The following MICAL2 variants were observed in gnomAD, a reference collection of about 807,000 sequenced individuals.
MICAL2 encodes the protein microtubule associated monooxygenase, calponin and LIM domain containing 2.
In MICAL2, 77 loss-of-function variants were observed where a neutral mutation model predicts 127.3. That is an observed-to-expected ratio of 0.60 (90% confidence interval 0.50 to 0.73). The LOEUF (loss-of-function observed/expected upper bound fraction) is 0.73, where lower values mean the gene tolerates loss of function less well. Ranked by LOEUF, MICAL2 falls within the 30% of genes least tolerant of loss-of-function variation. The pLI, the probability that MICAL2 is intolerant of heterozygous loss-of-function variation, is 0.00. For synonymous variants in MICAL2, 570 were observed against 551.1 expected (o/e 1.03, Z -0.48); for missense variants, 1,351 against 1,434.4 (o/e 0.94, Z 0.94).
chr11:12,244,062 G>T lies in MICAL2; in HGVS notation c.2734G>T (p.Ala912Ser). The T allele has an allele frequency of 6.2e-7, 1 of 1,614,132 alleles. No individual in the cohort carries two copies. Among genetic ancestry groups the T allele is most frequent in the Non-Finnish European group, 8.5e-7 (1 of 1,179,998 alleles). The change falls in exon 21 of 28, where the codon GCT becomes TCT. Residue 912 changes from alanine (A) to serine (S), a missense_variant. By Grantham distance (99) the Ala-to-Ser change is moderately conservative. This residue lies in a region of MICAL2 where 752 missense variants were observed against 719.4 expected (regional missense o/e 1.05). Coordinates refer to ENST00000683283, the MANE Select transcript of MICAL2 (RefSeq NM_001282663.2). ...CTCTCGCCTTCCGTCTCCTGATCCAGCTGCTTCTTCCTCTCCATCAACTGT... is the reference window on the plus strand; with the variant it reads ...CTCTCGCCTTCCGTCTCCTGATCCATCTGCTTCTTCCTCTCCATCAACTGT... ...PPSRLPSPDP[A>S]ASSSPSTVDS...
chr11:12,233,773 TTTCTTTC>T (rs920225274), intron 15 of MICAL2, among the ~76,000 whole-genome samples: 44 of 152,346 alleles, frequency 2.9e-4, no homozygotes, highest in African/African-American at 9.4e-4. Flanking sequence ...CAGTAAGTAT[TTTCTTTC>T]TTCTTGTACT....
intron 6 of MICAL2, among the ~76,000 whole-genome samples, chr11:12,210,326 G>A (rs1855285054): frequency 6.6e-6 from 1 of 152,128 alleles, no homozygotes; most frequent in Non-Finnish European, 1.5e-5. Flanking sequence ...GCTAAATTGA[G>A]ACCATGGGTT....
At chr11:12,313,279 G>A (rs1864195788) in intron 29 of MICAL2, among the ~76,000 whole-genome samples, 1 of 150,352 alleles carries the variant, frequency 6.7e-6, no homozygotes, top group Non-Finnish European at 1.5e-5. Context: ...AATATTTTTA[G>A]ATTTTATGTC....
intron 21 of MICAL2, among the ~76,000 whole-genome samples, chr11:12,246,066 C>T (rs1303657060): frequency 3.3e-5 from 5 of 152,224 alleles, no homozygotes; most frequent in African/African-American, 9.6e-5. Context: ...AAAAGTCTGG[C>T]GTGGTCACTG....
rs1589926640 is a variant in MICAL2, at chr11:12,358,152, T to C, written c.5690-143T>C. ...TCTCATCTCTCACTCTAAGGGCGGTTCCTTGGTGTTAAATTCATTTCCTTG... is the reference window on the plus strand; with the variant it reads ...TCTCATCTCTCACTCTAAGGGCGGTCCCTTGGTGTTAAATTCATTTCCTTG... On this transcript the variant is annotated intron_variant, in intron 34 of 34. Transcript: ENST00000646065. 4 of 752,692 alleles carry C rather than the reference T, an allele frequency of 5.3e-6. No homozygotes were observed. In the East Asian group the frequency reaches 1.1e-4, roughly 21 times the overall value. 46.6% of individuals were successfully genotyped at this position (752,692 alleles called of 1,614,324 possible).
intron 14 of MICAL2, 94 bp from the exon 15 acceptor site, chr11:12,226,931 G>A (rs1014220715): frequency 4.2e-6 from 4 of 941,290 alleles, no homozygotes; most frequent in East Asian, 5.2e-5. Context: ...GGGATTACAG[G>A]CGTGAGCCAC....
At chr11:12,245,689 T>C (rs1057473693) in intron 21 of MICAL2, among the ~76,000 whole-genome samples, 3 of 152,248 alleles carry the variant, frequency 2.0e-5, no homozygotes, top group Non-Finnish European at 4.4e-5. Context: ...CCTCCTGACC[T>C]GTCTGGGCCT....
intron 29 of MICAL2, among the ~76,000 whole-genome samples, chr11:12,318,972 A>G (rs1864261354): frequency 6.6e-6 from 1 of 152,214 alleles, no homozygotes; most frequent in African/African-American, 2.4e-5. Context: ...TCCCTATCTT[A>G]AACTGCCTTT....
chr11:12,128,173 T>C (rs1851104723), intron 1 of MICAL2, among the ~76,000 whole-genome samples: 1 of 152,194 alleles, frequency 6.6e-6, no homozygotes, highest in Admixed American at 6.5e-5. Context: ...GTTGTGGGTG[T>C]AGGTTAGTGG....
intron 1 of MICAL2, among the ~76,000 whole-genome samples, chr11:12,135,202 A>C (rs1419472603): frequency 6.6e-6 from 1 of 152,162 alleles, no homozygotes; most frequent in Non-Finnish European, 1.5e-5. Context: ...CAGGAGAGAG[A>C]CACAGAGAGA....
At chr11:12,252,953 G>A (rs1283251443) in intron 22 of MICAL2, 1 of 152,240 alleles carries the variant, frequency 6.6e-6, no homozygotes, top group African/African-American at 2.4e-5. Context: ...AAGCTGGGGA[G>A]GACCTAGAGC....
At chr11:12,140,541 C>T (rs1473636451) in intron 2 of MICAL2, among the ~76,000 whole-genome samples, 2 of 151,452 alleles carry the variant, frequency 1.3e-5, no homozygotes, top group Non-Finnish European at 2.9e-5. Flanking sequence ...TAAGTGGACC[C>T]TCTTTGGCAG....
At chr11:12,362,056 T>C (rs928641963), downstream of MICAL2, among the ~76,000 whole-genome samples, 2 of 152,262 alleles carry the variant, frequency 1.3e-5, no homozygotes, top group Non-Finnish European at 2.9e-5. Flanking sequence ...GAACTATTCA[T>C]GTGGATGGAA....
intron 32 of MICAL2, among the ~76,000 whole-genome samples, chr11:12,336,560 GT>G (rs1938764636): frequency 6.6e-6 from 1 of 152,140 alleles, no homozygotes; most frequent in Non-Finnish European, 1.5e-5. Flanking sequence ...TCCAGTTTTT[GT>G]CCATTCAGTA....
chr11:12,301,646 G>A (rs1355863272), intron 29 of MICAL2, among the ~76,000 whole-genome samples: 1 of 152,200 alleles, frequency 6.6e-6, no homozygotes, highest in Non-Finnish European at 1.5e-5. Context: ...GTGACTGAGT[G>A]TTTTACAGGG....
chr11:12,294,668 G>A (rs1380317917), downstream of MICAL2: 1 of 1,614,052 alleles, frequency 6.2e-7, no homozygotes, highest in African/African-American at 1.3e-5. Context: ...TTTCCTCCAA[G>A]AATCCAGACA....
At chr11:12,358,809 T>C, downstream of MICAL2, 1 of 174,982 alleles carries the variant, frequency 5.7e-6, no homozygotes, top group Non-Finnish European at 1.2e-5. Flanking sequence ...TTTATCATTT[T>C]CCTTCCCAAT....
intron 2 of MICAL2, among the ~76,000 whole-genome samples, chr11:12,144,208 CT>C (rs1565030711): frequency 6.6e-6 from 1 of 152,112 alleles, no homozygotes; most frequent in South Asian, 2.1e-4. Context: ...AGAAAAAAAT[CT>C]TTTTTGGAAC....
chr11:12,262,998 A>G (rs1863336940), intron 27 of MICAL2: 1 of 158,890 alleles, frequency 6.3e-6, no homozygotes, highest in Non-Finnish European at 1.4e-5. Context: ...GTCATTTATC[A>G]AAACCATAGG....
Sources: gnomAD v4.1 joint callset for allele counts (sites outside exome capture counted in the v4.1 genomes callset) on GRCh38, gnomAD v4.1.1 for gene constraint, gnomAD v4.1.1 regional missense constraint, MANE v1.5 for transcripts, NCBI Gene and HGNC (gene_info 2026-07-23, HGNC 2026-07-21) for gene names.